The following PIK3C2A variants were observed in gnomAD, a reference collection of about 807,000 sequenced individuals.
PIK3C2A encodes phosphatidylinositol 4-phosphate 3-kinase C2 domain-containing subunit alpha.
Under a neutral mutation model 204.5 loss-of-function variants are expected in PIK3C2A, and 97 were observed. That is an observed-to-expected ratio of 0.47 (90% CI 0.40 to 0.56). The LOEUF (loss-of-function observed/expected upper bound fraction) is 0.56. Ranked by LOEUF, PIK3C2A falls within the 20% of genes least tolerant of loss-of-function variation. The probability of loss-of-function intolerance (pLI) is 0.00; values close to 1 mark genes in which losing one functional copy is unlikely to be tolerated. For missense variants in PIK3C2A, 1,735 were observed against 1,969.2 expected, an observed-to-expected ratio of 0.88 and a Z score of 2.25; for synonymous variants, 653 against 664.4, an observed-to-expected ratio of 0.98 and a Z score of 0.26.
intron 25 of PIK3C2A, among the ~76,000 whole-genome samples, chr11:17,100,366 A>C (rs1212412416): frequency 6.7e-6 from 1 of 148,602 alleles, no homozygotes. Flanking sequence ...GATACGTACC[A>C]CTATGCCTGG....
chr11:17,109,834 A>C (rs767775043), intron 22 of PIK3C2A, among the ~76,000 whole-genome samples: 5 of 152,080 alleles, frequency 3.3e-5, no homozygotes, highest in Non-Finnish European at 5.9e-5. Flanking sequence ...CTGCACCCAG[A>C]GATATGGCAT....
chr11:17,174,718 G>C (rs1354048630), intron 1 of PIK3C2A, among the ~76,000 whole-genome samples: 2 of 152,022 alleles, frequency 1.3e-5, no homozygotes, highest in Admixed American at 1.3e-4. Context: ...GGCCAACATG[G>C]TGAAACCCCA....
chr11:17,177,426 G>A (rs1305812313), intron 1 of PIK3C2A, among the ~76,000 whole-genome samples: 1 of 152,104 alleles, frequency 6.6e-6, no homozygotes, highest in African/African-American at 2.4e-5. Context: ...TTATCAAAGA[G>A]AAGCTCAAAT....
intron 3 of PIK3C2A, among the ~76,000 whole-genome samples, chr11:17,154,861 T>C (rs987865281): frequency 6.6e-6 from 1 of 152,214 alleles, no homozygotes; most frequent in Non-Finnish European, 1.5e-5. Flanking sequence ...TGTGAACCAA[T>C]ACATGACCCT....
At position 17,168,968 on chromosome 11, in the gene PIK3C2A, T is replaced by C; in HGVS notation, c.774A>G (p.Val258=). ...ITDSKVSNLQ[V]SPKSEDISKF... ...TACTGATATCCTCAGACTTTGGAGA[T>C]ACCTGTAGATTGCTGACTTTTGAAT... is the stretch of plus-strand genomic sequence containing the variant. The change falls in exon 2 of 33, where the codon GTA becomes GTG. Residue 258 remains valine, a synonymous_variant. Coordinates refer to ENST00000691414, the MANE Select transcript of PIK3C2A (RefSeq NM_002645.4). 1 of 1,613,902 alleles carries C rather than the reference T, an allele frequency of 6.2e-7. No homozygotes were observed. The highest frequency in any genetic ancestry group is 8.5e-7 in the Non-Finnish European group (1 of 1,179,974).
At chr11:17,104,349 T>C (rs945983273) in intron 23 of PIK3C2A, among the ~76,000 whole-genome samples, 2 of 152,212 alleles carry the variant, frequency 1.3e-5, no homozygotes, top group African/African-American at 4.8e-5. Context: ...TCAATGCTTA[T>C]GTTTACAGCC....
intron 12 of PIK3C2A, 73 bp from the exon 13 acceptor site, chr11:17,129,540 T>G: frequency 3.3e-6 from 3 of 900,148 alleles, no homozygotes; most frequent in Non-Finnish European, 3.5e-6. Context: ...TTAATGAGAC[T>G]GACAATTTTA....
At chr11:17,113,460 A>G (rs1849064316) in intron 20 of PIK3C2A, among the ~76,000 whole-genome samples, 1 of 152,092 alleles carries the variant, frequency 6.6e-6, no homozygotes, top group South Asian at 2.1e-4. Context: ...AAGTATTCAC[A>G]AAAACTAAAA....
intron 11 of PIK3C2A, among the ~76,000 whole-genome samples, chr11:17,134,490 T>G (rs1445797922): frequency 6.6e-6 from 1 of 152,004 alleles, no homozygotes; most frequent in Non-Finnish European, 1.5e-5. Flanking sequence ...GCCTCCCAAA[T>G]AGCTGGGATT....
chr11:17,194,972 T>C (rs1389305480), intron 1 of PIK3C2A, among the ~76,000 whole-genome samples: 1 of 152,190 alleles, frequency 6.6e-6, no homozygotes, highest in Non-Finnish European at 1.5e-5. Context: ...ATTTAACTTG[T>C]AAAGTTTAAT....
chr11:17,127,684 CTAT>C (rs2137366637), intron 13 of PIK3C2A, among the ~76,000 whole-genome samples: 1 of 152,126 alleles, frequency 6.6e-6, no homozygotes, highest in East Asian at 1.9e-4. Flanking sequence ...TTTGAACATC[CTAT>C]TATTGTCAAC....
At chr11:17,112,281 G>A (rs1232897783) in intron 21 of PIK3C2A, among the ~76,000 whole-genome samples, 1 of 151,762 alleles carries the variant, frequency 6.6e-6, no homozygotes, top group Admixed American at 6.6e-5. Context: ...GCGAAACCCC[G>A]TCTCTACTAA....
intron 2 of PIK3C2A, among the ~76,000 whole-genome samples, chr11:17,157,595 G>A (rs1335333850): frequency 6.6e-6 from 1 of 152,080 alleles, no homozygotes; most frequent in African/African-American, 2.4e-5. Context: ...ATTAATAAGA[G>A]GACACTTCTG....
At chr11:17,176,866 G>A (rs1565293533) in intron 1 of PIK3C2A, among the ~76,000 whole-genome samples, 1 of 152,128 alleles carries the variant, frequency 6.6e-6, no homozygotes, top group Non-Finnish European at 1.5e-5. Flanking sequence ...TAAAACTGCA[G>A]CAAATATCTG....
At chr11:17,156,111 T>A (rs1205626126) in intron 2 of PIK3C2A, among the ~76,000 whole-genome samples, 2 of 152,114 alleles carry the variant, frequency 1.3e-5, no homozygotes, top group Non-Finnish European at 2.9e-5. Flanking sequence ...TATACTAACA[T>A]CCTCACAATC....
Position 17,147,510 on chromosome 11 carries a change from CACTT to C in PIK3C2A, c.1560+3_1560+6del. 2 of 1,442,304 alleles carry C rather than the reference CACTT, an allele frequency of 1.4e-6. No individual in the cohort carries two copies. Among genetic ancestry groups the C allele is most frequent in the East Asian group, 4.5e-5 (2 of 44,094 alleles). 89.3% of individuals were successfully genotyped at this position (1,442,304 alleles called of 1,614,324 possible). ...AAATGGAATTCAGTTATGAGGTACA[CACTT>C]ACTGTTCGGGCCAGATTTTGACACA... On this transcript the variant is annotated splice_donor_5th_base_variant and intron_variant, in intron 6 of 32. Coordinates refer to ENST00000691414, the MANE Select transcript of PIK3C2A (RefSeq NM_002645.4).
chr11:17,136,434 A>G (rs759240249), intron 9 of PIK3C2A, 48 bp downstream of exon 9: 1 of 1,415,706 alleles, frequency 7.1e-7, no homozygotes. Context: ...TCTCCTGTTT[A>G]AGTACATATT....
Position 17,101,793 on chromosome 11 carries a change from C to T in PIK3C2A, c.3852-359G>A, listed in dbSNP as rs11024157. Among the ~76,000 whole-genome samples, 404 of 151,560 alleles carry T rather than the reference C, an allele frequency of 2.7e-3. 1 individual carries two copies. In the Middle Eastern group the frequency reaches 0.027, roughly 10 times the overall value. On this transcript the variant is annotated intron_variant, in intron 24 of 32. Coordinates refer to ENST00000691414, the MANE Select transcript of PIK3C2A (RefSeq NM_002645.4). ...TAATTTTTTGTATTTTTAGTAGAGGCGGGGTTTCACCGTGTTAGCCAGGAT... is the reference window on the plus strand; with the variant it reads ...TAATTTTTTGTATTTTTAGTAGAGGTGGGGTTTCACCGTGTTAGCCAGGAT...
At chr11:17,152,497 A>G (rs1850454803) in intron 3 of PIK3C2A, among the ~76,000 whole-genome samples, 1 of 152,178 alleles carries the variant, frequency 6.6e-6, no homozygotes, top group African/African-American at 2.4e-5. Context: ...TATTAAATGA[A>G]TAACTGCTGA....
Sources: allele counts gnomAD v4.1 joint callset (sites outside exome capture counted in the v4.1 genomes callset), GRCh38; gene constraint gnomAD v4.1.1; transcripts MANE v1.5; gene names NCBI Gene and HGNC (gene_info 2026-07-23, HGNC 2026-07-21).